Variants in RAB3GAP1 observed in about 807,000 individuals in gnomAD.
RAB3GAP1 encodes the protein RAB3 GTPase activating protein catalytic subunit 1, also known as rab3 GTPase-activating protein catalytic subunit.
Under a neutral mutation model 130.7 loss-of-function variants are expected in RAB3GAP1, and 86 were observed. The observed-to-expected ratio is 0.66, with a 90% CI of 0.55 to 0.79. The LOEUF is 0.79. Ranked by LOEUF, RAB3GAP1 falls within the 30% of genes least tolerant of loss-of-function variation. The probability of loss-of-function intolerance (pLI) is 0.00; values close to 1 mark genes in which losing one functional copy is unlikely to be tolerated. For missense variants in RAB3GAP1, 1,029 were observed against 1,169.4 expected (o/e 0.88, Z 1.75); for synonymous variants, 367 against 401.7 (o/e 0.91, Z 1.03).
intron 5 of RAB3GAP1, among the ~76,000 whole-genome samples, chr2:135,111,676 AG>A (rs1690805240): frequency 6.6e-6 from 1 of 152,228 alleles, no homozygotes; most frequent in Admixed American, 6.5e-5. Flanking sequence ...ATTAAAGCAA[AG>A]TTTCAATACT....
chr2:135,126,172 G>GT lies in RAB3GAP1; in HGVS notation c.831-3dup, dbSNP rs769703016. The GT allele has an allele frequency of 2.9e-5, 47 of 1,604,262 alleles. No individual in the cohort carries two copies. The highest frequency in any genetic ancestry group is 3.8e-5 in the Non-Finnish European group (44 of 1,171,474). ...ATTAAAGCTTTTGGGTATATTTTAT[G>GT]TTTTTTAGTGAACTCCATTTAGCTA... On this transcript the variant is annotated splice_polypyrimidine_tract_variant and intron_variant, in intron 9 of 23. Coordinates refer to ENST00000264158, the MANE Select transcript of RAB3GAP1 (RefSeq NM_012233.3).
chr2:135,056,697 C>T (rs1008492715), intron 2 of RAB3GAP1, among the ~76,000 whole-genome samples: 1 of 152,126 alleles, frequency 6.6e-6, no homozygotes, highest in Non-Finnish European at 1.5e-5. Context: ...CTTTGGTAAA[C>T]ATGTAAACTT....
chr2:135,134,141 G>C, intron 15 of RAB3GAP1, 108 bp downstream of exon 15: 1 of 1,255,316 alleles, frequency 8.0e-7, no homozygotes, highest in South Asian at 1.2e-5. Flanking sequence ...TAAGAAAGTG[G>C]CAAGAAGCTT....
rs1352278827 is a variant in RAB3GAP1, at chr2:135,115,228, CTT to C, written c.497_498del (p.Phe166CysfsTer23). 2 of 1,610,814 alleles carry C rather than the reference CTT, an allele frequency of 1.2e-6. No individual in the cohort carries two copies. Among genetic ancestry groups the C allele is most frequent in the South Asian group, 2.2e-5 (2 of 90,998 alleles). The stretch of plus-strand genomic sequence containing the variant: ...TCATGTCTTGCAGTCAGGTGCCACT[CTT>C]TGTGCAAATTCACCACAAATGGCGA... ...LGNTGCQVPL[F>X]VQIHHKWRRM... On this transcript the variant is annotated frameshift_variant, in exon 7 of 24. Coordinates refer to ENST00000264158, the MANE Select transcript of RAB3GAP1 (RefSeq NM_012233.3). LOFTEE classifies it high-confidence loss of function.
chr2:135,125,987 T>C (rs185706049), intron 9 of RAB3GAP1, among the ~76,000 whole-genome samples, 194 bp from the exon 10 acceptor site: 8 of 152,338 alleles, frequency 5.3e-5, no homozygotes, highest in African/African-American at 1.7e-4. Context: ...TTATGTATAA[T>C]GAGATGAATG....
intron 5 of RAB3GAP1, among the ~76,000 whole-genome samples, chr2:135,103,345 G>A (rs1055408687): frequency 6.6e-6 from 1 of 151,950 alleles, no homozygotes; most frequent in Admixed American, 6.6e-5. Flanking sequence ...CCTTATTTTT[G>A]TGACTTTAAT....
chr2:135,052,521 G>C lies in RAB3GAP1; in HGVS notation c.74+36G>C, dbSNP rs371605049. On this transcript the variant is annotated intron_variant, in intron 2 of 23. Transcript: ENST00000264158. Reference sequence around the variant, plus strand: ...CGCATTTTTGGTTACCAGCTCCCATGGGCCCTGGCGTCCCCTAGCCGCTTC... The same window carrying C: ...CGCATTTTTGGTTACCAGCTCCCATCGGCCCTGGCGTCCCCTAGCCGCTTC... 8 of 1,611,450 alleles carry C rather than the reference G, an allele frequency of 5.0e-6. No homozygotes were observed. The African/African-American group carries it at 1.1e-4, about 22-fold the overall frequency.
intron 3 of RAB3GAP1, among the ~76,000 whole-genome samples, chr2:135,083,767 G>GTTTTTTTTTTTT (rs34087354): frequency 1.0e-5 from 1 of 98,286 alleles, no homozygotes; most frequent in Non-Finnish European, 1.9e-5. Flanking sequence ...ACCCAACACG[G>GTTTTTTTTTTTT]TTTTTTTTTT....
Position 135,126,182 on chromosome 2 carries a change from G to T in RAB3GAP1, c.832G>T (p.Glu278Ter). The T allele has an allele frequency of 6.2e-7, 1 of 1,609,984 alleles. No homozygotes were observed. Among genetic ancestry groups the T allele is most frequent in the South Asian group, 1.1e-5 (1 of 90,890 alleles). Residue 278 changes from glutamate to a stop codon, truncating the protein, a stop_gained and splice_region_variant, in exon 10 of 24, where the codon GAA becomes TAA. Transcript: ENST00000264158. LOFTEE classifies it high-confidence loss of function. ...PFGACEDPIS[E>*]LHLATTWPHL... is the part of the protein sequence containing the mutation. ...TTGGGTATATTTTATGTTTTTTAGT[G>T]AACTCCATTTAGCTACTACATGGCC...
chr2:135,054,569 G>A (rs1487236317), intron 2 of RAB3GAP1, among the ~76,000 whole-genome samples: 2 of 152,212 alleles, frequency 1.3e-5, no homozygotes, highest in Admixed American at 6.5e-5. Context: ...AAGAATGAAT[G>A]TAAGGAAGTG....
At position 135,071,843 on chromosome 2, in the gene RAB3GAP1, G is replaced by T. The variant is rs1392700359; in HGVS notation, c.150+13757G>T. Reference sequence around the variant, plus strand: ...GCAATGGCCCTGCCAATGGCTGTTGGTCTGTCAGGAGACTCTGTAGGTCAT... The same window carrying T: ...GCAATGGCCCTGCCAATGGCTGTTGTTCTGTCAGGAGACTCTGTAGGTCAT... On this transcript the variant is annotated intron_variant, in intron 3 of 23. Coordinates refer to ENST00000264158, the MANE Select transcript of RAB3GAP1 (RefSeq NM_012233.3). 2.0e-5 allele frequency among the ~76,000 whole-genome samples: 3 copies of T among 152,196 alleles called. No homozygotes were observed. The East Asian group carries it at 5.8e-4, about 29-fold the overall frequency.
At chr2:135,171,018 T>C (rs191270586), downstream of RAB3GAP1, among the ~76,000 whole-genome samples, 5 of 152,160 alleles carry the variant, frequency 3.3e-5, no homozygotes, top group East Asian at 9.7e-4. Context: ...GCCAGGAGCC[T>C]TGAAGCCACT....
chr2:135,167,800 TCA>T (rs1692701123), intron 23 of RAB3GAP1: 3 of 1,169,746 alleles, frequency 2.6e-6, no homozygotes, highest in South Asian at 3.3e-5. Flanking sequence ...ACCACCTCTC[TCA>T]CAGTCTGGAT....
rs991298399 is a variant in RAB3GAP1, at chr2:135,133,638, T to G, written c.1327-223T>G. On this transcript the variant is annotated intron_variant, in intron 14 of 23. Transcript: ENST00000264158. ...GAAATTGAAAGCTGTAACTTTAGCT[T>G]CATTAAACTATAGCTTTATCTTTTT... is the stretch of plus-strand genomic sequence containing the variant. 2.0e-5 allele frequency among the ~76,000 whole-genome samples: 3 copies of G among 152,202 alleles called. No individual in the cohort carries two copies. In the East Asian group the frequency reaches 5.8e-4, roughly 29 times the overall value.
chr2:135,071,527 T>G (rs1689471676), intron 3 of RAB3GAP1, among the ~76,000 whole-genome samples: 1 of 142,346 alleles, frequency 7.0e-6, no homozygotes. Context: ...AAGACAGTCG[T>G]AGGTTAAAAA....
chr2:135,172,400 A>G (rs931183045), downstream of RAB3GAP1, among the ~76,000 whole-genome samples: 2 of 150,532 alleles, frequency 1.3e-5, no homozygotes, highest in Non-Finnish European at 2.9e-5. Context: ...ATGCCATTGC[A>G]CTCCAGCCTG....
In RAB3GAP1 at chr2:135,064,827, G is replaced by A. The variant is rs531226131; in HGVS notation, c.150+6741G>A. ...TGCTTACATTATGAAATGTAGAGAC[G>A]AAATGTAGTCTACATTTTATTTATA... On this transcript the variant is annotated intron_variant, in intron 3 of 23. Transcript: ENST00000264158. Among the ~76,000 whole-genome samples, 32 of 148,516 alleles carry A rather than the reference G, an allele frequency of 2.2e-4. No individual in the cohort carries two copies. In the South Asian group the frequency reaches 6.5e-3, roughly 30 times the overall value.
chr2:135,079,616 TTC>T (rs143341312), intron 3 of RAB3GAP1, among the ~76,000 whole-genome samples: 1 of 152,346 alleles, frequency 6.6e-6, no homozygotes, highest in African/African-American at 2.4e-5. Context: ...TCCTCGTCTG[TTC>T]TTTCTTATCA....
chr2:135,136,930 A>T (rs1402163682), intron 17 of RAB3GAP1: 1 of 231,178 alleles, frequency 4.3e-6, no homozygotes, highest in Non-Finnish European at 8.7e-6. Context: ...CTCCACAAAA[A>T]TTTAAAAATT....
Sources: allele counts gnomAD v4.1 joint callset (sites outside exome capture counted in the v4.1 genomes callset), GRCh38; gene constraint gnomAD v4.1.1; transcripts MANE v1.5; gene names NCBI Gene and HGNC (gene_info 2026-07-23, HGNC 2026-07-21).